The following AQR variants were observed in gnomAD, a reference collection of about 807,000 sequenced individuals.
AQR encodes aquarius intron-binding spliceosomal factor.
Under a neutral mutation model 180.5 loss-of-function variants are expected in AQR, and 61 were observed. The observed-to-expected ratio is 0.34, with a 90% CI of 0.28 to 0.42. AQR has a LOEUF of 0.42. AQR is among the 10% of genes least tolerant of loss of function. The pLI, the probability that AQR is intolerant of heterozygous loss-of-function variation, is 1.00. For missense variants in AQR, 1,281 were observed against 1,798.3 expected, an observed-to-expected ratio of 0.71 and a Z score of 5.20; for synonymous variants, 551 against 588.8, an observed-to-expected ratio of 0.94 and a Z score of 0.93.
intron 3 of AQR, among the ~76,000 whole-genome samples, chr15:34,953,634 A>G (rs1315171993): frequency 6.6e-6 from 1 of 152,238 alleles, no homozygotes; most frequent in African/African-American, 2.4e-5. Context: ...GAATATTGCC[A>G]AAGTACTGGC....
At chr15:34,929,990 G>A (rs1290798844) in intron 12 of AQR, among the ~76,000 whole-genome samples, 1 of 152,132 alleles carries the variant, frequency 6.6e-6, no homozygotes, top group East Asian at 1.9e-4. Flanking sequence ...AAAACTGACA[G>A]CAGAGCTAAT....
chr15:34,910,363 C>T, intron 16 of AQR, 50 bp from the exon 17 acceptor site: 2 of 1,592,232 alleles, frequency 1.3e-6, no homozygotes, highest in South Asian at 2.2e-5. Context: ...AATTTATCCC[C>T]AACTTTTAGA....
rs74009750 is a variant in AQR, at chr15:34,876,576, T to C, written c.3166-570A>G. Among the ~76,000 whole-genome samples the C allele has an allele frequency of 3.9e-3, 600 of 152,276 alleles. 4 individuals are homozygous for C. Among genetic ancestry groups the C allele is most frequent in the African/African-American group, 0.014 (581 of 41,562 alleles). ...ACTCTAAAAATCCAAGCCACCACTATGACTACGGATAGCAAACTCCTTACT... is the reference window on the plus strand; with the variant it reads ...ACTCTAAAAATCCAAGCCACCACTACGACTACGGATAGCAAACTCCTTACT... On this transcript the variant is annotated intron_variant, in intron 27 of 34. Coordinates refer to ENST00000156471, the MANE Select transcript of AQR (RefSeq NM_014691.3).
intron 1 of AQR, among the ~76,000 whole-genome samples, chr15:34,968,109 G>C (rs1256771485): frequency 2.6e-5 from 4 of 152,194 alleles, no homozygotes; most frequent in Non-Finnish European, 4.4e-5. Context: ...CATCGCGCCC[G>C]GCTGAAGATT....
At chr15:34,891,700 G>T (rs1595788137) in intron 23 of AQR, among the ~76,000 whole-genome samples, 1 of 152,010 alleles carries the variant, frequency 6.6e-6, no homozygotes, top group African/African-American at 2.4e-5. Context: ...TTCATTTTAA[G>T]AATTTACAAT....
chr15:34,927,050 A>C lies in AQR; in HGVS notation c.1103T>G (p.Phe368Cys). ...GTTGTCTTACCTAAGAGGTCCAAAA[A>C]ACTTGACCAAGGACTCCCGAGTATC... is the stretch of plus-strand genomic sequence containing the variant. ...EVDTRESLVK[F>C]FGPLSSNTLH... Residue 368 changes from phenylalanine (F) to cysteine (C), a missense_variant, in exon 13 of 35, where the codon TTT becomes TGT. Transcript: ENST00000156471. 1 of 1,584,868 alleles carries C rather than the reference A, an allele frequency of 6.3e-7. No homozygotes were observed. Among genetic ancestry groups the C allele is most frequent in the South Asian group, 1.2e-5 (1 of 84,762 alleles).
Position 34,938,599 on chromosome 15 carries a change from T to G in AQR, c.718+138A>C, listed in dbSNP as rs1425563472. The G allele has an allele frequency of 1.4e-5, 8 of 575,064 alleles. No individual in the cohort carries two copies. The African/African-American group carries it at 1.5e-4, about 11-fold the overall frequency. 35.6% of individuals were successfully genotyped at this position (575,064 alleles called of 1,614,324 possible). A position where few individuals can be genotyped will look rare whatever the true frequency, so the allele number is the denominator to read the frequency against. ...CCCAATACTCACACTGGTAATGTATTTAAAAAGGAGAGGACATACACTTTG... is the reference window on the plus strand; with the variant it reads ...CCCAATACTCACACTGGTAATGTATGTAAAAAGGAGAGGACATACACTTTG... On this transcript the variant is annotated intron_variant, in intron 9 of 34. Transcript: ENST00000156471.
At chr15:34,910,797 G>T (rs151311649) in intron 16 of AQR, among the ~76,000 whole-genome samples, 175 of 152,284 alleles carry the variant, frequency 1.1e-3, no homozygotes, top group Admixed American at 1.8e-3. Flanking sequence ...CATTTTTTGT[G>T]TGTGTGGTAA....
rs1892573090 is a variant in AQR, at chr15:34,855,271, A to T, written c.*1521T>A. 1 of 152,244 alleles carries T rather than the reference A, an allele frequency of 6.6e-6. No individual in the cohort carries two copies. Among genetic ancestry groups the T allele is most frequent in the South Asian group, 2.1e-4 (1 of 4,832 alleles). 9.4% of individuals were successfully genotyped at this position (152,244 alleles called of 1,614,324 possible). Reference sequence around the variant, plus strand: ...GTCACTCAAAAATATAACTGACTTGACTTTCTGGGTTTAATTTCCCTATGA... The same window carrying T: ...GTCACTCAAAAATATAACTGACTTGTCTTTCTGGGTTTAATTTCCCTATGA... On this transcript the variant is annotated 3_prime_UTR_variant, in exon 35 of 35. Transcript: ENST00000156471.
intron 23 of AQR, 54 bp downstream of exon 23, chr15:34,893,609 A>ACGCACG (rs773330522): frequency 6.9e-4 from 279 of 402,924 alleles, no homozygotes; most frequent in East Asian, 4.0e-3. Context: ...GCATGCGTGC[A>ACGCACG]CACACACACA....
intron 16 of AQR, among the ~76,000 whole-genome samples, chr15:34,911,072 T>G (rs1482217119): frequency 6.6e-6 from 1 of 152,224 alleles, no homozygotes; most frequent in Non-Finnish European, 1.5e-5. Flanking sequence ...TAGCATAATG[T>G]ACTCCTGGTT....
chr15:34,916,177 G>C (rs1428427708), intron 15 of AQR, among the ~76,000 whole-genome samples: 2 of 152,108 alleles, frequency 1.3e-5, no homozygotes, highest in African/African-American at 4.8e-5. Context: ...ACAAAATTTA[G>C]CATGAACACT....
intron 9 of AQR, 83 bp from the exon 10 acceptor site, chr15:34,934,718 T>G: frequency 5.0e-6 from 4 of 801,808 alleles, no homozygotes; most frequent in Non-Finnish European, 7.7e-6. Context: ...AGTTATTTAA[T>G]AACTTAAATA....
intron 19 of AQR, among the ~76,000 whole-genome samples, chr15:34,902,190 TGA>T (rs1893342271): frequency 6.6e-6 from 1 of 152,096 alleles, no homozygotes; most frequent in Admixed American, 6.5e-5. Context: ...AGAAATGTTC[TGA>T]GAGGGAGAGT....
intron 20 of AQR, 103 bp downstream of exon 20, chr15:34,900,519 T>A: frequency 7.0e-7 from 1 of 1,426,422 alleles, no homozygotes; most frequent in Non-Finnish European, 9.5e-7. Flanking sequence ...TAAAACAAAA[T>A]CCAAATATAG....
chr15:34,948,323 A>C lies in AQR; in HGVS notation c.271T>G (p.Leu91Val). ...TTCACCATACAGCAGATTGACATTA[A>C]ATAGGCCTTGCTAGATACCTCAGGA... ...YSPEVSSKAYLMSICCMVNEK... is the reference protein window; with the variant it reads ...YSPEVSSKAYVMSICCMVNEK... Residue 91 changes from leucine (L) to valine (V), a missense_variant, in exon 5 of 35, where the codon TTA becomes GTA. Transcript: ENST00000156471. The C allele has an allele frequency of 1.9e-6, 3 of 1,613,670 alleles. No homozygotes were observed. Among genetic ancestry groups the C allele is most frequent in the Non-Finnish European group, 2.5e-6 (3 of 1,179,962 alleles).
chr15:34,940,839 C>A, intron 8 of AQR, 60 bp downstream of exon 8: 1 of 1,293,274 alleles, frequency 7.7e-7, no homozygotes, highest in Non-Finnish European at 1.1e-6. Context: ...CAGTCAACAT[C>A]ATCTAAGGTC....
rs114730502 is a variant in AQR, at chr15:34,934,576, G to A, written c.778C>T (p.Leu260=). 3,738 of 1,591,960 alleles carry A rather than the reference G, an allele frequency of 2.3e-3. 83 individuals are homozygous for A. In the African/African-American group the frequency reaches 0.046, roughly 19 times the overall value. Residue 260 remains leucine (L), a synonymous_variant, in exon 10 of 35, where the codon CTA becomes TTA. Transcript: ENST00000156471. ...AGTCACGGTAGATTTCTTACCTCTA[G>A]ATCAATCATAAGTTCAATGAATCTT... ...CERFIELMID[L]EALLPTRRWF...
At chr15:34,867,380 T>C in intron 32 of AQR, 144 bp downstream of exon 32, 1 of 652,128 alleles carries the variant, frequency 1.5e-6, no homozygotes, top group Non-Finnish European at 2.7e-6. Flanking sequence ...GAATTTGATG[T>C]TACATTCCAA....
Sources: gnomAD v4.1 joint callset for allele counts (sites outside exome capture counted in the v4.1 genomes callset) on GRCh38, gnomAD v4.1.1 for gene constraint, MANE v1.5 for transcripts, NCBI Gene and HGNC (gene_info 2026-07-23, HGNC 2026-07-21) for gene names.